The following STXBP3 variants were observed in gnomAD, a reference collection of about 807,000 sequenced individuals.
STXBP3 encodes the protein syntaxin-binding protein 3.
In STXBP3, 41 loss-of-function variants were observed where a neutral mutation model predicts 85.7. The observed-to-expected ratio is 0.48, with a 90% CI of 0.37 to 0.62. The LOEUF (loss-of-function observed/expected upper bound fraction) is 0.62, where lower values mean the gene tolerates loss of function less well. STXBP3 is among the 20% of genes least tolerant of loss of function. The pLI, the probability that STXBP3 is intolerant of heterozygous loss-of-function variation, is 0.00. For synonymous variants in STXBP3, 229 were observed against 231.7 expected (o/e 0.99, Z 0.10); for missense variants, 563 against 703.1 (o/e 0.80, Z 2.25).
At position 108,772,880 on chromosome 1, in the gene STXBP3, G is replaced by A. The variant is rs1249577986; in HGVS notation, c.593+61G>A. 2.4e-5 allele frequency: 34 copies of A among 1,402,500 alleles called. No individual in the cohort carries two copies. The Admixed American group carries it at 7.2e-4, about 30-fold the overall frequency. 86.9% of individuals were successfully genotyped at this position (1,402,500 alleles called of 1,614,324 possible). On this transcript the variant is annotated intron_variant, in intron 7 of 18. Transcript: ENST00000370008. The stretch of plus-strand genomic sequence containing the variant: ...TATTTACCATTCATTATAGAGGTAA[G>A]TAATGTGTCTGTACCTTGGCATGTT...
chr1:108,777,073 TG>T (rs1378648714), intron 8 of STXBP3, among the ~76,000 whole-genome samples: 1 of 152,062 alleles, frequency 6.6e-6, no homozygotes, highest in Non-Finnish European at 1.5e-5. Flanking sequence ...GGTGAGAGAA[TG>T]AAGAGCTTGA....
chr1:108,776,628 G>T (rs1442925746), intron 8 of STXBP3, among the ~76,000 whole-genome samples: 1 of 152,062 alleles, frequency 6.6e-6, no homozygotes, highest in African/African-American at 2.4e-5. Flanking sequence ...TTAACTAACA[G>T]ATTTTGAAGT....
At chr1:108,792,323 C>T (rs916297063) in intron 11 of STXBP3, among the ~76,000 whole-genome samples, 1 of 152,066 alleles carries the variant, frequency 6.6e-6, no homozygotes, top group Non-Finnish European at 1.5e-5. Flanking sequence ...CATCTTAGGT[C>T]TACTTTTTGG....
chr1:108,773,143 A>C (rs893921805), intron 7 of STXBP3, among the ~76,000 whole-genome samples: 1 of 152,170 alleles, frequency 6.6e-6, no homozygotes, highest in African/African-American at 2.4e-5. Context: ...TCACCAACAA[A>C]TTTAAATGAC....
chr1:108,800,151 G>A (rs1057459476), intron 16 of STXBP3, 69 bp from the exon 17 acceptor site: 29 of 1,094,750 alleles, frequency 2.6e-5, no homozygotes, highest in Non-Finnish European at 4.1e-5. Context: ...TGCAAGTTTT[G>A]ACCTTTATGC....
intron 3 of STXBP3, among the ~76,000 whole-genome samples, chr1:108,755,257 GC>G (rs1661993484): frequency 6.6e-6 from 1 of 151,998 alleles, no homozygotes; most frequent in Non-Finnish European, 1.5e-5. Context: ...ACCAGCCTGG[GC>G]AATATAGTGA....
chr1:108,795,491 TAA>T (rs59615177), intron 13 of STXBP3, among the ~76,000 whole-genome samples: 1 of 139,230 alleles, frequency 7.2e-6, no homozygotes. Context: ...CCTGTCTCTT[TAA>T]AAAAAAAAAA....
At chr1:108,801,248 G>GT (rs1164140910) in intron 17 of STXBP3, among the ~76,000 whole-genome samples, 10 of 151,846 alleles carry the variant, frequency 6.6e-5, no homozygotes, top group African/African-American at 2.4e-4. Flanking sequence ...TAACATCTGA[G>GT]TCTACTCAGG....
chr1:108,808,051 T>C (rs1168817035), intron 18 of STXBP3, among the ~76,000 whole-genome samples: 3 of 152,250 alleles, frequency 2.0e-5, no homozygotes, highest in South Asian at 4.1e-4. Flanking sequence ...TATTTTAAAA[T>C]GTGCTTATTT....
intron 3 of STXBP3, among the ~76,000 whole-genome samples, chr1:108,753,526 CT>C (rs1661951955): frequency 6.6e-6 from 1 of 151,930 alleles, no homozygotes; most frequent in Admixed American, 6.6e-5. Context: ...ATAAAATCAG[CT>C]GTTGTACATG....
Position 108,796,764 on chromosome 1 carries a change from T to C in STXBP3, c.1356+38T>C, listed in dbSNP as rs17028444. 7,453 of 1,521,032 alleles carry C rather than the reference T, an allele frequency of 4.9e-3. 341 individuals are homozygous for C. The African/African-American group carries it at 0.091, about 19-fold the overall frequency. 94.2% of individuals were successfully genotyped at this position (1,521,032 alleles called of 1,614,324 possible). A position where few individuals can be genotyped will look rare whatever the true frequency, so the allele number is the denominator to read the frequency against. On this transcript the variant is annotated intron_variant, in intron 15 of 18. Coordinates refer to ENST00000370008, the MANE Select transcript of STXBP3 (RefSeq NM_007269.4). ...ATGTTGTGTATATACTTTATATGTA[T>C]GTGTATGTATGGTTGTATGTATTAA...
At chr1:108,789,714 T>G (rs931455644) in intron 11 of STXBP3, among the ~76,000 whole-genome samples, 2 of 152,218 alleles carry the variant, frequency 1.3e-5, no homozygotes, top group African/African-American at 4.8e-5. Flanking sequence ...GTAATTTAAT[T>G]ATACAGTGGT....
intron 1 of STXBP3, among the ~76,000 whole-genome samples, chr1:108,751,500 A>G (rs1382168802): frequency 6.6e-6 from 1 of 152,098 alleles, no homozygotes; most frequent in East Asian, 1.9e-4. Context: ...TAACCATCTC[A>G]TTAATAAGAT....
chr1:108,760,201 C>A, intron 6 of STXBP3, 116 bp downstream of exon 6: 1 of 565,472 alleles, frequency 1.8e-6, no homozygotes. Flanking sequence ...GAATTTTGAA[C>A]CTAATCCACA....
At chr1:108,804,563 G>A (rs1372141861) in intron 17 of STXBP3, among the ~76,000 whole-genome samples, 1 of 152,164 alleles carries the variant, frequency 6.6e-6, no homozygotes, top group Non-Finnish European at 1.5e-5. Flanking sequence ...TATGTGTCTT[G>A]TAATTTTGAA....
At chr1:108,775,172 G>C (rs1296912055) in intron 7 of STXBP3, among the ~76,000 whole-genome samples, 1 of 151,784 alleles carries the variant, frequency 6.6e-6, no homozygotes, top group Non-Finnish European at 1.5e-5. Context: ...TATTTTTAAG[G>C]TATACAACCT....
At chr1:108,772,875 G>C in intron 7 of STXBP3, 56 bp downstream of exon 7, 1 of 1,410,686 alleles carries the variant, frequency 7.1e-7, no homozygotes, top group East Asian at 2.8e-5. Context: ...TCATTATAGA[G>C]GTAAGTAATG....
chr1:108,802,414 A>T (rs1277034), intron 17 of STXBP3, among the ~76,000 whole-genome samples: 110,432 of 150,072 alleles, frequency 0.74, 41,016 homozygotes, highest in East Asian at 0.97. Context: ...TTAATTAATT[A>T]ATTTATTTAT....
intron 17 of STXBP3, among the ~76,000 whole-genome samples, chr1:108,806,955 A>T (rs988259453): frequency 5.9e-5 from 9 of 152,254 alleles, no homozygotes; most frequent in African/African-American, 2.2e-4. Context: ...TCATTTCCTT[A>T]AAAATCAATG....
Sources: gnomAD v4.1 joint callset for allele counts (sites outside exome capture counted in the v4.1 genomes callset) on GRCh38, gnomAD v4.1.1 for gene constraint, MANE v1.5 for transcripts, NCBI Gene and HGNC (gene_info 2026-07-23, HGNC 2026-07-21) for gene names.